Variants in VPS4A observed in about 807,000 individuals in gnomAD.
The protein encoded by VPS4A is vacuolar protein sorting 4 homolog A.
A neutral mutation model predicts 52.3 loss-of-function variants in VPS4A; 20 were observed. The ratio of observed to expected loss-of-function variants is 0.38; its 90% CI spans 0.27 to 0.56. The LOEUF is 0.56. Ranked by LOEUF, VPS4A falls within the 20% of genes least tolerant of loss-of-function variation. The probability of loss-of-function intolerance (pLI) is 0.72; values close to 1 mark genes in which losing one functional copy is unlikely to be tolerated. For missense variants in VPS4A, 419 were observed against 575.9 expected, an observed-to-expected ratio of 0.73 and a Z score of 2.79; for synonymous variants, 293 against 227.7, an observed-to-expected ratio of 1.29 and a Z score of -2.58.
At chr16:69,319,850 T>C (rs921317834) in intron 6 of VPS4A, among the ~76,000 whole-genome samples, 1 of 152,110 alleles carries the variant, frequency 6.6e-6, no homozygotes. Context: ...CTGACTCCTG[T>C]TTTGCGTGTG....
chr16:69,321,774 C>CA lies in VPS4A; in HGVS notation c.1071+505dup, dbSNP rs1965515782. The CA allele has an allele frequency of 5.6e-6, 1 of 178,036 alleles. No homozygotes were observed. Among genetic ancestry groups the CA allele is most frequent in the African/African-American group, 2.4e-5 (1 of 41,966 alleles). 11.0% of individuals were successfully genotyped at this position (178,036 alleles called of 1,614,324 possible). ...CAGTCAACACAGTCAGTGAGTGTCT[C>CA]AGAGGATGGAGATGGAGCAGGGTTA... is the stretch of plus-strand genomic sequence containing the variant. On this transcript the variant is annotated intron_variant, in intron 9 of 10. Coordinates refer to ENST00000254950, the MANE Select transcript of VPS4A (RefSeq NM_013245.3). The surrounding 1 kb of genome is among the most constrained non-coding windows in gnomAD (Gnocchi z 4.5).
At chr16:69,317,474 A>G (rs1019449861) in intron 3 of VPS4A, among the ~76,000 whole-genome samples, 1 of 151,966 alleles carries the variant, frequency 6.6e-6, no homozygotes, top group South Asian at 2.1e-4. Context: ...CCTGGCCAAC[A>G]TGGTGAATCC....
chr16:69,317,823 G>A (rs376541850), intron 3 of VPS4A, among the ~76,000 whole-genome samples: 2 of 151,712 alleles, frequency 1.3e-5, no homozygotes, highest in African/African-American at 2.4e-5. Context: ...ATTGTGGCAT[G>A]TGCCTGTAAT....
At position 69,321,110 on chromosome 16, in the gene VPS4A, G is replaced by A. The variant is rs759875196; in HGVS notation, c.911G>A (p.Arg304Gln). 34 of 1,596,396 alleles carry A rather than the reference G, an allele frequency of 2.1e-5. No homozygotes were observed. The highest frequency in any genetic ancestry group is 2.1e-4 in the East Asian group (9 of 43,874). ...GAAGCTGCCCGCGCCCAGATGTTCCGGTTGCATCTCGGGAGCACTCCCCAC... is the reference window on the plus strand; with the variant it reads ...GAAGCTGCCCGCGCCCAGATGTTCCAGTTGCATCTCGGGAGCACTCCCCAC... ...PEEAARAQMF[R>Q]LHLGSTPHNL... Residue 304 changes from arginine (R) to glutamine (Q), a missense_variant, in exon 9 of 11, where the codon CGG becomes CAG. Arg to Gln is a conservative substitution (Grantham distance 43). This residue lies in a region of VPS4A where 185 missense variants were observed against 200.2 expected (regional missense o/e 0.92). Transcript: ENST00000254950. The surrounding 1 kb of genome is among the most constrained non-coding windows in gnomAD (Gnocchi z 4.5).
rs1049040611 is a variant in VPS4A at position 69,324,288 on chromosome 16, G to T, written c.1293G>T (p.Glu431Asp). 6.2e-7 allele frequency: 1 copy of T among 1,613,776 alleles called. No individual in the cohort carries two copies. Among genetic ancestry groups the T allele is most frequent in the East Asian group, 2.2e-5 (1 of 44,896 alleles). Residue 431 changes from glutamate (E) to aspartate (D), a missense_variant, in exon 11 of 11, where the codon GAG becomes GAT. By Grantham distance (45) the Glu-to-Asp change is conservative. This residue lies in a region of VPS4A where 185 missense variants were observed against 200.2 expected (regional missense o/e 0.92). Coordinates refer to ENST00000254950, the MANE Select transcript of VPS4A (RefSeq NM_013245.3). ...TCCTGAAAGTGAAGAAATTCTCAGA[G>T]GACTTTGGGCAAGAGAGTTAAAAGC... ...DDLLKVKKFS[E>D]DFGQES is the part of the protein sequence containing the mutation.
At position 69,325,017 on chromosome 16, in the gene VPS4A, A is replaced by AAT. The variant is rs1212616984; in HGVS notation, c.*710_*711dup. 1.3e-5 allele frequency: 2 copies of AAT among 152,454 alleles called. No homozygotes were observed. The highest frequency in any genetic ancestry group is 3.8e-4 in the East Asian group (2 of 5,208). The allele number at this position is 152,454 out of a possible 1,614,324, so 9.4% of individuals were successfully genotyped here. On this transcript the variant is annotated 3_prime_UTR_variant, in exon 11 of 11. Transcript: ENST00000254950. ...TGGGTCCCTGTCCTGGAAATGGTCT[A>AAT]ATAAATCCTTTTCCCTTCTTGAGCT... is the stretch of plus-strand genomic sequence containing the variant.
chr16:69,320,193 T>A lies in VPS4A; in HGVS notation c.673T>A (p.Phe225Ile). Reference sequence around the variant, plus strand: ...CAGGCAGCACAAGCCCTCCATCATCTTCATCGATGAGGTGGATTCCCTCTG... The same window carrying A: ...CAGGCAGCACAAGCCCTCCATCATCATCATCGATGAGGTGGATTCCCTCTG... ...LARQHKPSII[F>I]IDEVDSLCGS... Residue 225 changes from phenylalanine (F) to isoleucine (I), a missense_variant, in exon 7 of 11, where the codon TTC becomes ATC. Phe to Ile is a conservative substitution (Grantham distance 21, BLOSUM62 0). This residue lies in a region of VPS4A where 103 missense variants were observed against 210.3 expected (regional missense o/e 0.49). Transcript: ENST00000254950. The surrounding 1 kb of genome is among the most constrained non-coding windows in gnomAD (Gnocchi z 4.2). 6.2e-7 allele frequency: 1 copy of A among 1,613,940 alleles called. No homozygotes were observed. The highest frequency in any genetic ancestry group is 8.5e-7 in the Non-Finnish European group (1 of 1,179,856).
In VPS4A at chr16:69,311,500, C is replaced by T. The variant is rs1965377048; in HGVS notation, c.-12C>T. 2 of 1,352,166 alleles carry T rather than the reference C, an allele frequency of 1.5e-6. No individual in the cohort carries two copies. Among genetic ancestry groups the T allele is most frequent in the Non-Finnish European group, 1.9e-6 (2 of 1,039,002 alleles). The allele number at this position is 1,352,166 out of a possible 1,614,324, so 83.8% of individuals were successfully genotyped here. Reference sequence around the variant, plus strand: ...CAGCGCCGCGGGGTGTGGGGCGGACCCAGGAGATGAAATGACAACGTCAAC... The same window carrying T: ...CAGCGCCGCGGGGTGTGGGGCGGACTCAGGAGATGAAATGACAACGTCAAC... On this transcript the variant is annotated 5_prime_UTR_variant, in exon 1 of 11. Transcript: ENST00000254950.
chr16:69,320,179 A>G lies in VPS4A; in HGVS notation c.659A>G (p.Lys220Arg), dbSNP rs369640885. The G allele has an allele frequency of 6.2e-7, 1 of 1,613,792 alleles. No homozygotes were observed. Among genetic ancestry groups the G allele is most frequent in the African/African-American group, 1.3e-5 (1 of 74,944 alleles). Residue 220 changes from lysine to arginine, a missense_variant, in exon 7 of 11, where the codon AAG (lysine) becomes AGG (arginine). This residue lies in a region of VPS4A where 103 missense variants were observed against 210.3 expected (regional missense o/e 0.49). Transcript: ENST00000254950. This position sits in a 1 kb window ranked among gnomAD's most constrained non-coding sequence, Gnocchi z 4.2. ...KNLFELARQH[K>R]PSIIFIDEVD... ...CTGTTTGAGCTGGCCAGGCAGCACA[A>G]GCCCTCCATCATCTTCATCGATGAG...
chr16:69,320,308 G>A lies in VPS4A; in HGVS notation c.769+19G>A, dbSNP rs2143262950. ...ATGCAGGGTGTGTGCCGGGCCCAGG[G>A]CCCCCTTGGTTCTTGTTGCACCTGA... On this transcript the variant is annotated intron_variant, in intron 7 of 10. Transcript: ENST00000254950. The surrounding 1 kb of genome is among the most constrained non-coding windows in gnomAD (Gnocchi z 4.2). The A allele has an allele frequency of 6.2e-7, 1 of 1,608,344 alleles. No homozygotes were observed. The highest frequency in any genetic ancestry group is 8.5e-7 in the Non-Finnish European group (1 of 1,175,366).
chr16:69,319,012 A>ACCCGGGAGTCAGTGGCGACTCAGCC (rs1487581219), intron 5 of VPS4A, 70 bp downstream of exon 5: 15 of 1,570,702 alleles, frequency 9.5e-6, no homozygotes, highest in Non-Finnish European at 1.3e-5. Flanking sequence ...ACTCCGAGGC[A>ACCCGGGAGTCAGTGGCGACTCAGCC]CCCGGGAGTC....
rs1240682092 is a variant in VPS4A at position 69,320,994 on chromosome 16, C to T, written c.852-57C>T. 6.6e-7 allele frequency: 1 copy of T among 1,508,588 alleles called. No individual in the cohort carries two copies. The highest frequency in any genetic ancestry group is 2.5e-5 in the East Asian group (1 of 40,468). 93.5% of individuals were successfully genotyped at this position (1,508,588 alleles called of 1,614,324 possible). On this transcript the variant is annotated intron_variant, in intron 8 of 10. Coordinates refer to ENST00000254950, the MANE Select transcript of VPS4A (RefSeq NM_013245.3). This position sits in a 1 kb window ranked among gnomAD's most constrained non-coding sequence, Gnocchi z 4.2. ...CACTCAAATCTTCGTGCCTCCCCTT[C>T]CGTGAATACCATTCCATCATCCGCT...
In VPS4A at chr16:69,325,475, C is replaced by G. The variant is rs1965579447; in HGVS notation, c.*1166C>G. 6.6e-6 allele frequency: 1 copy of G among 151,308 alleles called. No individual in the cohort carries two copies. The highest frequency in any genetic ancestry group is 1.5e-5 in the Non-Finnish European group (1 of 67,962). The allele number at this position is 151,308 out of a possible 1,614,324, so 9.4% of individuals were successfully genotyped here. Reference sequence around the variant, plus strand: ...GAGTTGCTGGGCGCGGTGGCTCACGCCTGTAATCCCAGCACTTTGGGAGGC... The same window carrying G: ...GAGTTGCTGGGCGCGGTGGCTCACGGCTGTAATCCCAGCACTTTGGGAGGC... On this transcript the variant is annotated 3_prime_UTR_variant, in exon 11 of 11. Coordinates refer to ENST00000254950, the MANE Select transcript of VPS4A (RefSeq NM_013245.3).
chr16:69,320,359 C>T lies in VPS4A; in HGVS notation c.769+70C>T, dbSNP rs556722535. ...AGCCAACCCTGGGCTTTATTCTGAG[C>T]TGCGGCTGGATTTGGTTGTTCTCAG... On this transcript the variant is annotated intron_variant, in intron 7 of 10. Coordinates refer to ENST00000254950, the MANE Select transcript of VPS4A (RefSeq NM_013245.3). This position sits in a 1 kb window ranked among gnomAD's most constrained non-coding sequence, Gnocchi z 4.2. The T allele has an allele frequency of 1.3e-6, 2 of 1,572,988 alleles. No individual in the cohort carries two copies. The highest frequency in any genetic ancestry group is 1.7e-6 in the Non-Finnish European group (2 of 1,153,998).
rs959502920 is a variant in VPS4A, at chr16:69,325,772, G to T, written c.*1463G>T. ...AGTCGAGAGTTGACATAAAAATTCA[G>T]AATTCTGACTTCTAGAAGATTAAAT... On this transcript the variant is annotated 3_prime_UTR_variant, in exon 11 of 11. Transcript: ENST00000254950. The T allele has an allele frequency of 1.3e-5, 2 of 151,078 alleles. No individual in the cohort carries two copies. The highest frequency in any genetic ancestry group is 4.9e-5 in the African/African-American group (2 of 41,036). The allele number at this position is 151,078 out of a possible 1,614,324, so 9.4% of individuals were successfully genotyped here. A position where few individuals can be genotyped will look rare whatever the true frequency, so the allele number is the denominator to read the frequency against.
chr16:69,321,254 C>T lies in VPS4A; in HGVS notation c.1055C>T (p.Ala352Val). The T allele has an allele frequency of 6.4e-7, 1 of 1,554,582 alleles. No homozygotes were observed. Among genetic ancestry groups the T allele is most frequent in the Non-Finnish European group, 8.7e-7 (1 of 1,149,474 alleles). The part of the protein sequence containing the change: ...LMQPVRKVQS[A>V]THFKKVCGPS... ...CAGCCCGTGAGGAAGGTGCAGTCGG[C>T]CACACACTTCAAAAAGGTGAGTGCC... The change falls in exon 9 of 11, where the codon GCC (alanine) becomes GTC (valine). Residue 352 changes from alanine to valine, a missense_variant. By Grantham distance (64) the Ala-to-Val change is moderately conservative. Transcript: ENST00000254950. The surrounding 1 kb of genome is among the most constrained non-coding windows in gnomAD (Gnocchi z 4.5).
intron 10 of VPS4A, chr16:69,323,638 T>C: frequency 2.2e-6 from 1 of 455,264 alleles, no homozygotes; most frequent in South Asian, 1.6e-5. Context: ...TTGTGGCTGG[T>C]GTTGGGGGTG....
chr16:69,322,486 C>T lies in VPS4A; in HGVS notation c.1072-74C>T. The T allele has an allele frequency of 8.9e-6, 13 of 1,468,738 alleles. No homozygotes were observed. The South Asian group carries it at 1.4e-4, about 16-fold the overall frequency. 91.0% of individuals were successfully genotyped at this position (1,468,738 alleles called of 1,614,324 possible). A position where few individuals can be genotyped will look rare whatever the true frequency, so the allele number is the denominator to read the frequency against. On this transcript the variant is annotated intron_variant, in intron 9 of 10. Transcript: ENST00000254950. ...CCACAGAGCATTCTCTTTGGGACTT[C>T]CTTAGAGACCGGAGGGGTCGAGCCC...
rs1160355292 is a variant in VPS4A, at chr16:69,316,271, C to T, written c.180C>T (p.Cys60=). The stretch of plus-strand genomic sequence containing the variant: ...CCAAGGAGAGCATTCGAGCCAAGTG[C>T]GTGCAGTACCTAGACCGGGCCGAGA... The part of the protein sequence containing the change: ...DKAKESIRAK[C]VQYLDRAEKL... The change falls in exon 3 of 11, where the codon TGC becomes TGT. Residue 60 remains cysteine (C), a synonymous_variant. Coordinates refer to ENST00000254950, the MANE Select transcript of VPS4A (RefSeq NM_013245.3). The T allele has an allele frequency of 3.7e-6, 6 of 1,613,672 alleles. No individual in the cohort carries two copies. The highest frequency in any genetic ancestry group is 2.7e-5 in the African/African-American group (2 of 74,914).
Sources: allele counts gnomAD v4.1 joint callset (sites outside exome capture counted in the v4.1 genomes callset), GRCh38; gene constraint gnomAD v4.1.1; regional missense constraint gnomAD v4.1.1; non-coding constraint Gnocchi (gnomAD v3.1); transcripts MANE v1.5; gene names NCBI Gene and HGNC (gene_info 2026-07-23, HGNC 2026-07-21).